Variants in ELN observed in about 807,000 individuals in gnomAD.
ELN encodes the protein tropoelastin.
ELN carries 65 observed loss-of-function variants against 105.8 expected under a neutral mutation model. The ratio of observed to expected loss-of-function variants is 0.61; its 90% CI spans 0.50 to 0.75. The LOEUF (loss-of-function observed/expected upper bound fraction) is 0.75. Ranked by LOEUF, ELN falls within the 30% of genes least tolerant of loss-of-function variation. The pLI is 0.00. For missense variants in ELN, 882 were observed against 969.4 expected (o/e 0.91, Z 1.20); for synonymous variants, 368 against 389.2 (o/e 0.95, Z 0.64).
chr7:74,066,845 C>T, intron 32 of ELN, 69 bp downstream of exon 32: 1 of 1,542,112 alleles, frequency 6.5e-7, no homozygotes, highest in Non-Finnish European at 8.9e-7. Context: ...CTCTCCTGTG[C>T]CATCTCCTGC....
At position 74,057,689 on chromosome 7, in the gene ELN, C is replaced by A. The variant is rs782475232; in HGVS notation, c.1407C>A (p.Ala469=). 46 of 1,613,278 alleles carry A rather than the reference C, an allele frequency of 2.9e-5. No individual in the cohort carries two copies. The highest frequency in any genetic ancestry group is 3.6e-5 in the Non-Finnish European group (43 of 1,179,926). ...CTGCTAAAGCAGCCGCCAAAGCCGC[C>A]CAGTTTGGTAAGTCCCCCTCACCCC... The part of the protein sequence containing the change: ...AAAAKAAAKA[A]QFGLVPGVGV... Residue 469 remains alanine, a synonymous_variant, in exon 22 of 33, where the codon GCC becomes GCA. Transcript: ENST00000252034.
chr7:74,030,704 T>G (rs1415868895), intron 1 of ELN, among the ~76,000 whole-genome samples: 1 of 152,078 alleles, frequency 6.6e-6, no homozygotes, highest in Non-Finnish European at 1.5e-5. Context: ...TTTTAAATAT[T>G]TTTTTAATTA....
intron 3 of ELN, 69 bp from the exon 4 acceptor site, chr7:74,037,638 T>A (rs1270927731): frequency 6.3e-7 from 1 of 1,579,302 alleles, no homozygotes; most frequent in Admixed American, 1.8e-5. Context: ...TTGCCCGGGT[T>A]GGGGGTTGGA....
At chr7:74,035,723 C>A (rs1420073453) in intron 2 of ELN, 5 of 435,094 alleles carry the variant, frequency 1.1e-5, no homozygotes, top group Admixed American at 3.6e-5. Flanking sequence ...CACACACACA[C>A]AAATTTAAAA....
At position 74,059,519 on chromosome 7, in the gene ELN, TA is replaced by T. The variant is rs1796108056; in HGVS notation, c.1415-362del. 4 of 357,898 alleles carry T rather than the reference TA, an allele frequency of 1.1e-5. No individual in the cohort carries two copies. The Admixed American group carries it at 1.6e-4, about 14-fold the overall frequency. The allele number at this position is 357,898 out of a possible 1,614,324, so 22.2% of individuals were successfully genotyped here. A position where few individuals can be genotyped will look rare whatever the true frequency, so the allele number is the denominator to read the frequency against. ...CAACATGGTGAAACCCTGTCTCTAC[TA>T]AAAATACAAAAAAATTAGCCGGGCA... On this transcript the variant is annotated intron_variant, in intron 22 of 32. Coordinates refer to ENST00000252034, the MANE Select transcript of ELN (RefSeq NM_000501.4).
At chr7:74,043,366 C>A in intron 8 of ELN, 198 bp downstream of exon 8, 4 of 816,556 alleles carry the variant, frequency 4.9e-6, no homozygotes, top group Non-Finnish European at 6.0e-6. Flanking sequence ...CCGGGCCCTT[C>A]TCCCGGGATC....
At chr7:74,064,423 A>ATATAT (rs1554687739) in intron 29 of ELN, among the ~76,000 whole-genome samples, 89 of 133,144 alleles carry the variant, frequency 6.7e-4, no homozygotes, top group African/African-American at 1.7e-3. Context: ...TCAAAAAAAA[A>ATATAT]ATATATATAT....
chr7:74,067,762 C>CA (rs35074680), intron 32 of ELN, among the ~76,000 whole-genome samples: 14,247 of 100,002 alleles, frequency 0.14, 882 homozygotes, highest in Non-Finnish European at 0.15. Context: ...GACTCCGTCT[C>CA]AAAAAAAAAA....
At chr7:74,055,611 C>G (rs1795058921) in intron 19 of ELN, among the ~76,000 whole-genome samples, 1 of 151,736 alleles carries the variant, frequency 6.6e-6, no homozygotes, top group African/African-American at 2.4e-5. Context: ...TCCCAAGAAG[C>G]TGGGATTACA....
At position 74,029,815 on chromosome 7, in the gene ELN, G is replaced by A. The variant is rs138417837; in HGVS notation, c.82+1546G>A. On this transcript the variant is annotated intron_variant, in intron 1 of 32. Coordinates refer to ENST00000252034, the MANE Select transcript of ELN (RefSeq NM_000501.4). The stretch of plus-strand genomic sequence containing the variant: ...TATAGGGTGGCAGTTCATCATCAAG[G>A]AACCTTGAGAATTAGAAATTATTAT... 4.0e-3 allele frequency among the ~76,000 whole-genome samples: 610 copies of A among 152,304 alleles called. 2 individuals are homozygous for A. The highest frequency in any genetic ancestry group is 6.7e-3 in the Non-Finnish European group (459 of 68,026).
rs1411516655 is a variant in ELN, at chr7:74,048,145, A to G, written c.689A>G (p.Tyr230Cys). The G allele has an allele frequency of 1.2e-6, 2 of 1,613,784 alleles. No homozygotes were observed. The highest frequency in any genetic ancestry group is 1.3e-5 in the African/African-American group (1 of 74,866). The change falls in exon 14 of 33, where the codon TAT becomes TGT. Residue 230 changes from tyrosine to cysteine, a missense_variant. Physicochemically the swap from Tyr to Cys is radical, Grantham distance 194 (BLOSUM62 -2). Coordinates refer to ENST00000252034, the MANE Select transcript of ELN (RefSeq NM_000501.4). ...PYTTGKLPYG[Y>C]GPGGVAGAAG... ...ATCAAGCCTCTCTGTTTTGCAGGCT[A>G]TGGGCCCGGAGGAGTGGCTGGTGCA...
chr7:74,063,295 G>C lies in ELN; in HGVS notation c.1859-15G>C, dbSNP rs369551022. The C allele has an allele frequency of 1.9e-6, 3 of 1,563,076 alleles. No homozygotes were observed. The highest frequency in any genetic ancestry group is 1.9e-5 in the Admixed American group (1 of 51,422). On this transcript the variant is annotated splice_polypyrimidine_tract_variant and intron_variant, in intron 27 of 32. Coordinates refer to ENST00000252034, the MANE Select transcript of ELN (RefSeq NM_000501.4). The surrounding 1 kb of genome is among the most constrained non-coding windows in gnomAD (Gnocchi z 4.1). ...CAGTACAGAGTGCCTCCCTGAACTC[G>C]GTCTGTGTTCCCAGGAGCCGGACCC...
At chr7:74,035,295 C>T in intron 1 of ELN, 69 bp from the exon 2 acceptor site, 8 of 1,545,214 alleles carry the variant, frequency 5.2e-6, no homozygotes, top group South Asian at 1.1e-5. Flanking sequence ...TGGCAAAAAT[C>T]GCAGTTACTT....
At position 74,051,963 on chromosome 7, in the gene ELN, C is replaced by A. The variant is rs782096010; in HGVS notation, c.929C>A (p.Ala310Asp). 5.0e-6 allele frequency: 8 copies of A among 1,613,652 alleles called. No homozygotes were observed. Among genetic ancestry groups the A allele is most frequent in the Non-Finnish European group, 6.8e-6 (8 of 1,180,036 alleles). ...TPAAAAAAAA[A>D]AKAAKYGAAA... ...GCTGCAGCTGCAGCTGCAGCAGCAG[C>A]CGCTAAGGCAGCCAAGTATGGTGAG... Residue 310 changes from alanine (A) to aspartate (D), a missense_variant, in exon 17 of 33, where the codon GCC becomes GAC. Physicochemically the swap from Ala to Asp is moderately radical, Grantham distance 126. Transcript: ENST00000252034.
chr7:74,032,555 C>T (rs1182099468), intron 1 of ELN, among the ~76,000 whole-genome samples: 1 of 152,236 alleles, frequency 6.6e-6, no homozygotes, highest in African/African-American at 2.4e-5. Flanking sequence ...AAACCTTCTC[C>T]ATTTCCTCAT....
chr7:74,036,289 G>A (rs530006155), intron 2 of ELN, among the ~76,000 whole-genome samples: 11 of 151,802 alleles, frequency 7.2e-5, no homozygotes, highest in Non-Finnish European at 1.0e-4. Flanking sequence ...GGGAGACTCC[G>A]TATAAAAAAA....
chr7:74,034,684 G>A (rs1489886815), intron 1 of ELN, among the ~76,000 whole-genome samples: 1 of 152,114 alleles, frequency 6.6e-6, no homozygotes, highest in African/African-American at 2.4e-5. Context: ...CAGCCTGGGT[G>A]ACAGAGCAAG....
At chr7:74,050,095 C>T (rs1793662756) in intron 15 of ELN, among the ~76,000 whole-genome samples, 1 of 139,046 alleles carries the variant, frequency 7.2e-6, no homozygotes, top group Non-Finnish European at 1.6e-5. Context: ...CCATCTATTC[C>T]TCCATGCATC....
Position 74,041,207 on chromosome 7 carries a change from T to C in ELN, c.197-9T>C, listed in dbSNP as rs782236638. Reference sequence around the variant, plus strand: ...TGCCTACACTCCTGTCTCTGTTTCTTATCCACAGTTCCCGGAGGGCTTGCG... The same window carrying C: ...TGCCTACACTCCTGTCTCTGTTTCTCATCCACAGTTCCCGGAGGGCTTGCG... On this transcript the variant is annotated splice_polypyrimidine_tract_variant and intron_variant, in intron 4 of 32. Coordinates refer to ENST00000252034, the MANE Select transcript of ELN (RefSeq NM_000501.4). The C allele has an allele frequency of 7.1e-5, 115 of 1,613,910 alleles. No individual in the cohort carries two copies. The highest frequency in any genetic ancestry group is 9.4e-5 in the Non-Finnish European group (111 of 1,179,902).
Sources: allele counts gnomAD v4.1 joint callset (sites outside exome capture counted in the v4.1 genomes callset), GRCh38; gene constraint gnomAD v4.1.1; non-coding constraint Gnocchi (gnomAD v3.1); transcripts MANE v1.5; gene names NCBI Gene and HGNC (gene_info 2026-07-23, HGNC 2026-07-21).